MYO5A: variants seen among roughly 807,000 people sequenced by gnomAD.
The protein encoded by MYO5A is unconventional myosin-Va.
MYO5A carries 98 observed loss-of-function variants against 249.7 expected under a neutral mutation model. The observed-to-expected ratio is 0.39, with a 90% confidence interval of 0.33 to 0.46. The LOEUF is 0.46. MYO5A is among the 20% of genes least tolerant of loss of function. MYO5A has a pLI of 0.98. For missense variants in MYO5A, 1,696 were observed against 2,308.8 expected (o/e 0.73, Z 5.44); for synonymous variants, 778 against 810.6 (o/e 0.96, Z 0.68).
chr15:52,337,192 C>T (rs145531281), intron 33 of MYO5A, among the ~76,000 whole-genome samples: 88 of 152,152 alleles, frequency 5.8e-4, no homozygotes, highest in African/African-American at 2.0e-3. Flanking sequence ...TTTGCTTATA[C>T]AGAAGAAAGG....
intron 1 of MYO5A, among the ~76,000 whole-genome samples, chr15:52,489,358 A>G (rs1385620197): frequency 6.6e-6 from 1 of 152,054 alleles, no homozygotes; most frequent in Non-Finnish European, 1.5e-5. Flanking sequence ...AGGTCAGGAG[A>G]TCAAGACCAT....
At chr15:52,457,293 T>C (rs2076137257) in intron 1 of MYO5A, among the ~76,000 whole-genome samples, 1 of 151,666 alleles carries the variant, frequency 6.6e-6, no homozygotes, top group South Asian at 2.1e-4. Context: ...AATACAAAAA[T>C]TAGCCAGGTG....
intron 24 of MYO5A, among the ~76,000 whole-genome samples, chr15:52,362,638 G>A (rs541447382): frequency 6.6e-6 from 1 of 152,268 alleles, no homozygotes; most frequent in South Asian, 2.1e-4. Context: ...AGGAATGACT[G>A]AGTCACAGGC....
intron 1 of MYO5A, among the ~76,000 whole-genome samples, chr15:52,508,966 T>C (rs1318289147): frequency 1.3e-5 from 2 of 151,242 alleles, no homozygotes. Context: ...TGGATTCAAC[T>C]TTTTTTGTAA....
intron 20 of MYO5A, among the ~76,000 whole-genome samples, chr15:52,374,484 T>G (rs2041295749): frequency 6.6e-6 from 1 of 152,230 alleles, no homozygotes; most frequent in Non-Finnish European, 1.5e-5. Flanking sequence ...AAAAAGGGCC[T>G]TTGCAGATGT....
At chr15:52,487,686 T>C (rs894641454) in intron 1 of MYO5A, among the ~76,000 whole-genome samples, 1 of 148,634 alleles carries the variant, frequency 6.7e-6, no homozygotes, top group Non-Finnish European at 1.5e-5. Flanking sequence ...ATCATGCCAC[T>C]GCACTCCAGC....
intron 1 of MYO5A, among the ~76,000 whole-genome samples, chr15:52,524,194 A>G (rs1036574698): frequency 8.5e-5 from 13 of 152,338 alleles, no homozygotes; most frequent in Non-Finnish European, 1.6e-4. Context: ...GAACCTCCTA[A>G]TCAAACAGCT....
At chr15:52,511,228 C>T (rs1338772365) in intron 1 of MYO5A, among the ~76,000 whole-genome samples, 2 of 152,222 alleles carry the variant, frequency 1.3e-5, no homozygotes, top group East Asian at 3.8e-4. Flanking sequence ...AAACCCCTGG[C>T]CAGTTTCCCA....
At chr15:52,324,108 C>T (rs1387472740) in intron 36 of MYO5A, among the ~76,000 whole-genome samples, 8 of 141,534 alleles carry the variant, frequency 5.7e-5, no homozygotes, top group African/African-American at 2.0e-4. Flanking sequence ...GAACTAAAAG[C>T]AGAAAGAGGA....
At chr15:52,438,025 T>C in intron 1 of MYO5A, 1 of 985,000 alleles carries the variant, frequency 1.0e-6, no homozygotes, top group Non-Finnish European at 1.2e-6. Context: ...CATTCTATTA[T>C]TACCATTGCC....
chr15:52,324,423 A>G (rs992145461), intron 36 of MYO5A, among the ~76,000 whole-genome samples: 15 of 152,332 alleles, frequency 9.8e-5, no homozygotes, highest in Middle Eastern at 3.4e-3. Flanking sequence ...AAACTAAACC[A>G]TTTGGATGAA....
At chr15:52,528,624 C>A (rs980046109) in intron 1 of MYO5A, among the ~76,000 whole-genome samples, 156 bp downstream of exon 1, 2 of 152,350 alleles carry the variant, frequency 1.3e-5, no homozygotes, top group East Asian at 3.9e-4. Context: ...CCGCAGCGGG[C>A]GACCGGCTGG....
chr15:52,331,799 T>C, intron 34 of MYO5A: 12 of 985,362 alleles, frequency 1.2e-5, no homozygotes, highest in Non-Finnish European at 1.3e-5. Context: ...AAAATCTGGT[T>C]TAGGTGAAGT....
At chr15:52,523,776 C>G (rs903618828) in intron 1 of MYO5A, among the ~76,000 whole-genome samples, 1 of 152,092 alleles carries the variant, frequency 6.6e-6, no homozygotes, top group Non-Finnish European at 1.5e-5. Flanking sequence ...CCTAGGAACA[C>G]CAGGAGGAAA....
intron 25 of MYO5A, 91 bp from the exon 26 acceptor site, chr15:52,354,105 G>A: frequency 6.9e-7 from 1 of 1,447,654 alleles, no homozygotes; most frequent in East Asian, 2.3e-5. Context: ...GGAAAAATAG[G>A]CAAACTTACA....
chr15:52,518,491 A>G (rs992278600), intron 1 of MYO5A, among the ~76,000 whole-genome samples: 3 of 152,200 alleles, frequency 2.0e-5, no homozygotes, highest in Non-Finnish European at 4.4e-5. Flanking sequence ...TATTATTAAG[A>G]TATACATTTC....
chr15:52,329,731 C>A (rs2038781761), intron 35 of MYO5A, among the ~76,000 whole-genome samples: 1 of 152,076 alleles, frequency 6.6e-6, no homozygotes, highest in Non-Finnish European at 1.5e-5. Flanking sequence ...ACTTGAGAAT[C>A]CCTTAAGAAG....
chr15:52,316,647 G>T lies in MYO5A; in HGVS notation c.5409+401C>A, dbSNP rs969381645. Among the ~76,000 whole-genome samples the T allele has an allele frequency of 2.1e-4, 32 of 152,280 alleles. 1 individual carries two copies. The highest frequency in any genetic ancestry group is 7.7e-4 in the African/African-American group (32 of 41,556). The stretch of plus-strand genomic sequence containing the variant: ...TCTGTTGAAGTAACAAGAATTATCT[G>T]TCTCTAAAAACAAAGTCACTATTTG... On this transcript the variant is annotated intron_variant, in intron 40 of 41. Transcript: ENST00000399233.
chr15:52,368,209 G>A lies in MYO5A; in HGVS notation c.3067-1085C>T, dbSNP rs572683861. 2.6e-4 allele frequency among the ~76,000 whole-genome samples: 40 copies of A among 152,250 alleles called. No individual in the cohort carries two copies. The South Asian group carries it at 8.1e-3, about 31-fold the overall frequency. On this transcript the variant is annotated intron_variant, in intron 22 of 41. Coordinates refer to ENST00000399233, the MANE Select transcript of MYO5A (RefSeq NM_001382347.1). ...AGCAGGAAAGTTGGATAACTACACT[G>A]TGCCACACACAGCAGACATCAGTCC... is the stretch of plus-strand genomic sequence containing the variant.
Sources: allele counts gnomAD v4.1 joint callset (sites outside exome capture counted in the v4.1 genomes callset), GRCh38; gene constraint gnomAD v4.1.1; transcripts MANE v1.5; gene names NCBI Gene and HGNC (gene_info 2026-07-23, HGNC 2026-07-21).